Variants in SSBP3 observed in about 807,000 individuals in gnomAD.
SSBP3 encodes the protein single stranded DNA binding protein 3, also known as single-stranded DNA-binding protein 3.
In SSBP3, 5 loss-of-function variants were observed where a neutral mutation model predicts 69.6. That is an observed-to-expected ratio of 0.07 (90% CI 0.04 to 0.15). SSBP3 has a LOEUF of 0.15. Ranked by LOEUF, SSBP3 falls within the 10% of genes least tolerant of loss-of-function variation. The pLI is 1.00. For missense variants in SSBP3, 312 were observed against 534.0 expected (o/e 0.58, Z 4.10); for synonymous variants, 196 against 193.4 (o/e 1.01, Z -0.11).
At chr1:54,404,785 G>T (rs551039190) in intron 2 of SSBP3, 73 bp downstream of exon 2, 3 of 799,552 alleles carry the variant, frequency 3.8e-6, no homozygotes, top group Admixed American at 2.2e-5. Context: ...GGCTGCTCCT[G>T]AAAACAAAGG....
intron 4 of SSBP3, among the ~76,000 whole-genome samples, chr1:54,328,339 G>C (rs1174748637): frequency 6.6e-6 from 1 of 152,218 alleles, no homozygotes; most frequent in African/African-American, 2.4e-5. Context: ...ACCTGAGGCA[G>C]GAGGCTGAGG....
chr1:54,409,805 T>C (rs534633579), upstream of SSBP3, among the ~76,000 whole-genome samples: 3 of 152,300 alleles, frequency 2.0e-5, no homozygotes, highest in Non-Finnish European at 2.9e-5. Flanking sequence ...GAACGCCTGC[T>C]ATATACCATA....
At chr1:54,340,054 A>T (rs541552154) in intron 4 of SSBP3, among the ~76,000 whole-genome samples, 23 of 152,014 alleles carry the variant, frequency 1.5e-4, no homozygotes, top group Non-Finnish European at 2.4e-4. Flanking sequence ...TTCTTAACAC[A>T]CCTTTCTTCC....
At chr1:54,328,385 A>C (rs957202798) in intron 4 of SSBP3, among the ~76,000 whole-genome samples, 9 of 152,190 alleles carry the variant, frequency 5.9e-5, no homozygotes, top group Admixed American at 1.3e-4. Flanking sequence ...ACTACCTGGC[A>C]GGGCTCTGGT....
rs1646659718 is a variant in SSBP3 at position 54,344,640 on chromosome 1, T to C, written c.276+57221A>G. On this transcript the variant is annotated intron_variant, in intron 4 of 17. Coordinates refer to ENST00000610401, the Ensembl canonical transcript of SSBP3. ...AAGGCCTTGTAAAGAGAGGAAAGAA[T>C]TGGGGGAAACATCCGATCAATCTTT... Among the ~76,000 whole-genome samples, 3 of 152,052 alleles carry C rather than the reference T, an allele frequency of 2.0e-5. 1 individual carries two copies. The highest frequency in any genetic ancestry group is 7.2e-5 in the African/African-American group (3 of 41,388).
chr1:54,307,981 C>T (rs1433355730), intron 4 of SSBP3, among the ~76,000 whole-genome samples: 1 of 152,186 alleles, frequency 6.6e-6, no homozygotes, highest in East Asian at 1.9e-4. Context: ...TTACTTTGTA[C>T]TGTGAACTCG....
At chr1:54,283,305 C>G (rs1645430767) in intron 4 of SSBP3, among the ~76,000 whole-genome samples, 1 of 148,010 alleles carries the variant, frequency 6.8e-6, no homozygotes, top group Non-Finnish European at 1.5e-5. Flanking sequence ...ACCAGAATCT[C>G]TAACTTCCAA....
chr1:54,262,870 T>G (rs1379458528), intron 5 of SSBP3, among the ~76,000 whole-genome samples: 2 of 152,204 alleles, frequency 1.3e-5, no homozygotes, highest in African/African-American at 4.8e-5. Context: ...CTCCTGAATC[T>G]GGGAAAAGGA....
intron 4 of SSBP3, among the ~76,000 whole-genome samples, chr1:54,321,436 T>C (rs990880145): frequency 1.3e-5 from 2 of 152,204 alleles, no homozygotes; most frequent in African/African-American, 4.8e-5. Flanking sequence ...GTCCCAGGGC[T>C]CCTTTTACCA....
intron 5 of SSBP3, among the ~76,000 whole-genome samples, chr1:54,265,892 A>T (rs1247140372): frequency 6.6e-6 from 1 of 152,162 alleles, no homozygotes; most frequent in East Asian, 1.9e-4. Context: ...CAGGGTTTGC[A>T]CCATTAGGAA....
chr1:54,227,423 C>T (rs1360322982), intron 17 of SSBP3, among the ~76,000 whole-genome samples: 1 of 152,158 alleles, frequency 6.6e-6, no homozygotes, highest in African/African-American at 2.4e-5. Flanking sequence ...CGGCGCCTCC[C>T]CTGCTCCTGC....
rs896077190 is a variant in SSBP3, at chr1:54,404,999, C to T, written c.57-69G>A. The T allele has an allele frequency of 1.6e-5, 23 of 1,411,826 alleles. No individual in the cohort carries two copies. The Admixed American group carries it at 2.7e-4, about 17-fold the overall frequency. The allele number at this position is 1,411,826 out of a possible 1,614,324, so 87.5% of individuals were successfully genotyped here. A position where few individuals can be genotyped will look rare whatever the true frequency, so the allele number is the denominator to read the frequency against. On this transcript the variant is annotated intron_variant, in intron 1 of 17. Coordinates refer to ENST00000610401, the Ensembl canonical transcript of SSBP3. ...AGATCCCACCGGCGCTCTCCAGGAC[C>T]TTGCCAGCAGGCTTTGAGCCCTGTC...
intron 4 of SSBP3, among the ~76,000 whole-genome samples, chr1:54,305,917 G>T (rs945018062): frequency 1.3e-5 from 2 of 150,440 alleles, no homozygotes; most frequent in Admixed American, 6.7e-5. Context: ...TCTGCAAGCT[G>T]TTTCCTATGA....
In SSBP3 at chr1:54,296,491, T is replaced by C. The variant is rs72665917; in HGVS notation, c.277-14964A>G. Among the ~76,000 whole-genome samples, 36 of 152,328 alleles carry C rather than the reference T, an allele frequency of 2.4e-4. 1 individual carries two copies. The highest frequency in any genetic ancestry group is 6.2e-4 in the South Asian group (3 of 4,820). ...ATTTAAATTTGGGCCTTCGGTAACTTTGAATCTACAACATAGTACAGGAAG... is the reference window on the plus strand; with the variant it reads ...ATTTAAATTTGGGCCTTCGGTAACTCTGAATCTACAACATAGTACAGGAAG... On this transcript the variant is annotated intron_variant, in intron 4 of 17. Transcript: ENST00000610401.
At chr1:54,379,375 G>A (rs1343561995) in intron 4 of SSBP3, among the ~76,000 whole-genome samples, 1 of 152,200 alleles carries the variant, frequency 6.6e-6, no homozygotes, top group Non-Finnish European at 1.5e-5. Context: ...ATGAAGGTGA[G>A]TGGCCAGCAC....
At chr1:54,227,562 G>T (rs1644308992) in intron 17 of SSBP3, among the ~76,000 whole-genome samples, 1 of 152,076 alleles carries the variant, frequency 6.6e-6, no homozygotes, top group Non-Finnish European at 1.5e-5. Context: ...CCTGGGGTGG[G>T]GCCAGTCTGG....
intron 7 of SSBP3, 126 bp from the exon 8 acceptor site, chr1:54,251,986 C>A: frequency 1.3e-6 from 1 of 765,752 alleles, no homozygotes; most frequent in Non-Finnish European, 2.2e-6. Context: ...CTCCCTGAGA[C>A]TTCTGCTGCC....
At chr1:54,315,014 A>C (rs763933837) in intron 4 of SSBP3, among the ~76,000 whole-genome samples, 1 of 152,176 alleles carries the variant, frequency 6.6e-6, no homozygotes, top group Non-Finnish European at 1.5e-5. Context: ...CATCTGTCAC[A>C]GCATATAGAA....
chr1:54,281,888 G>A (rs752838906), intron 4 of SSBP3, among the ~76,000 whole-genome samples: 13 of 152,046 alleles, frequency 8.6e-5, no homozygotes, highest in African/African-American at 3.1e-4. Context: ...CTTGAGCCCA[G>A]GAGTTCGAGA....
Sources: gnomAD v4.1 joint callset for allele counts (sites outside exome capture counted in the v4.1 genomes callset) on GRCh38, gnomAD v4.1.1 for gene constraint, MANE v1.5 for transcripts, NCBI Gene and HGNC (gene_info 2026-07-23, HGNC 2026-07-21) for gene names.